The following DNHD1 variants were observed in gnomAD, a reference collection of about 807,000 sequenced individuals.
DNHD1 encodes the protein dynein heavy chain domain 1.
DNHD1 carries 383 observed loss-of-function variants against 458.1 expected under a neutral mutation model. That is an observed-to-expected ratio of 0.84 (90% CI 0.77 to 0.91). The LOEUF (loss-of-function observed/expected upper bound fraction) is 0.91, where lower values mean the gene tolerates loss of function less well. Among genes scored for constraint, DNHD1 ranks in the 40% least tolerant of loss-of-function variants. DNHD1 has a pLI of 0.00. For synonymous variants in DNHD1, 2,203 were observed against 2,376.9 expected, an observed-to-expected ratio of 0.93 and a Z score of 2.13; for missense variants, 5,336 against 5,866.1, an observed-to-expected ratio of 0.91 and a Z score of 2.95.
rs115395822 is a variant in DNHD1 at position 6,524,574 on chromosome 11, T to C, written c.1838-3948T>C. Among the ~76,000 whole-genome samples the C allele has an allele frequency of 8.8e-3, 1,345 of 152,364 alleles. 18 individuals are homozygous for C. The highest frequency in any genetic ancestry group is 0.03 in the African/African-American group (1,265 of 41,580). On this transcript the variant is annotated intron_variant, in intron 10 of 42. Transcript: ENST00000254579. ...TCAAACTTCAAGACAAGGAGTATGA[T>C]TGATTCAGCTTCTCCTGTAGATTGC... is the stretch of plus-strand genomic sequence containing the variant.
chr11:6,501,780 T>C (rs966656822), intron 3 of DNHD1, among the ~76,000 whole-genome samples: 2 of 152,196 alleles, frequency 1.3e-5, no homozygotes, highest in Non-Finnish European at 2.9e-5. Flanking sequence ...GTCCTTGGTT[T>C]TGCGATCTTC....
At chr11:6,518,433 C>A (rs1278001261) in intron 7 of DNHD1, among the ~76,000 whole-genome samples, 1 of 152,124 alleles carries the variant, frequency 6.6e-6, no homozygotes, top group East Asian at 1.9e-4. Context: ...ATACTGATTA[C>A]GTTCTATGGT....
At chr11:6,526,624 C>G (rs1852716519) in intron 10 of DNHD1, among the ~76,000 whole-genome samples, 1 of 152,104 alleles carries the variant, frequency 6.6e-6, no homozygotes, top group African/African-American at 2.4e-5. Context: ...AGATGGCTTA[C>G]TTTCTGAGGT....
chr11:6,550,101 T>C (rs771134127), intron 24 of DNHD1, among the ~76,000 whole-genome samples: 12 of 152,216 alleles, frequency 7.9e-5, no homozygotes, highest in African/African-American at 2.9e-4. Flanking sequence ...GTACAATTTA[T>C]TGAATATCTA....
At chr11:6,540,149 C>A in intron 18 of DNHD1, 66 bp downstream of exon 18, 1 of 1,377,386 alleles carries the variant, frequency 7.3e-7, no homozygotes, top group Non-Finnish European at 1.0e-6. Context: ...CCACCATATC[C>A]ATCAAGGCCT....
chr11:6,509,199 C>T lies in DNHD1; in HGVS notation c.1162C>T (p.Leu388Phe). Reference protein sequence around the residue: ...KNVRLQGLHRLQKFLENHLLL... With the variant: ...KNVRLQGLHRFQKFLENHLLL... ...TGTGAGATTACAGGGGCTGCATCGA[C>T]TCCAGAAATTCCTAGAGAATCATCT... Residue 388 changes from leucine to phenylalanine, a missense_variant, in exon 6 of 43, where the codon CTC becomes TTC. By Grantham distance (22) the Leu-to-Phe change is conservative (BLOSUM62 0). Around this residue, in one of 4 missense-constraint regions of DNHD1, gnomAD observed 3,932 missense variants for 4,365.6 expected, o/e 0.90. Coordinates refer to ENST00000254579, the MANE Select transcript of DNHD1 (RefSeq NM_144666.3). 1 of 1,614,226 alleles carries T rather than the reference C, an allele frequency of 6.2e-7. No homozygotes were observed. The highest frequency in any genetic ancestry group is 8.5e-7 in the Non-Finnish European group (1 of 1,180,046).
chr11:6,512,211 C>CTTTTTTTTTTTTTTTTTT (rs11287049), intron 7 of DNHD1, among the ~76,000 whole-genome samples: 9 of 91,630 alleles, frequency 9.8e-5, no homozygotes, highest in African/African-American at 4.2e-4. Context: ...CTTTTTCTTT[C>CTTTTTTTTTTTTTTTTTT]TTTTTTTTTT....
chr11:6,571,686 C>T lies in DNHD1; in HGVS notation c.13962C>T (p.Ile4654=). The change falls in exon 43 of 43, where the codon ATC becomes ATT. Residue 4654 remains isoleucine (I), a synonymous_variant. Coordinates refer to ENST00000254579, the MANE Select transcript of DNHD1 (RefSeq NM_144666.3). This position sits in a 1 kb window ranked among gnomAD's most constrained non-coding sequence, Gnocchi z 5.0. ...TTCCAGAGAGAGGGCTGCTGCTGAT[C>T]GGGCTACAGGTCCTACATGCGGAGT... ...PTVPERGLLL[I]GLQVLHAEWD... The T allele has an allele frequency of 6.2e-7, 1 of 1,609,966 alleles. No individual in the cohort carries two copies. Among genetic ancestry groups the T allele is most frequent in the African/African-American group, 1.3e-5 (1 of 74,920 alleles).
Position 6,571,974 on chromosome 11 carries a change from AC to A in DNHD1, c.14254del (p.Leu4752CysfsTer?). ...VQRRVHVCSP[P>X]LS ...AAAGGAGGGTCCATGTGTGCAGCCC[AC>A]CCCTGTCTTGAGCCCGTCTACCAAA... On this transcript the variant is annotated frameshift_variant, in exon 43 of 43. Coordinates refer to ENST00000254579, the MANE Select transcript of DNHD1 (RefSeq NM_144666.3). LOFTEE classifies it high-confidence loss of function. This position sits in a 1 kb window ranked among gnomAD's most constrained non-coding sequence, Gnocchi z 5.0. The A allele has an allele frequency of 6.2e-7, 1 of 1,602,114 alleles. No homozygotes were observed. The highest frequency in any genetic ancestry group is 1.3e-5 in the African/African-American group (1 of 74,720).
In DNHD1 at chr11:6,558,701, CT is replaced by C; in HGVS notation, c.9211+13del. Reference sequence around the variant, plus strand: ...GTGTGCCCCTTGATGACGGTAAGCCCTTTTTACTTGTCCTTACCACTCATCT... The same window carrying C: ...GTGTGCCCCTTGATGACGGTAAGCCCTTTTACTTGTCCTTACCACTCATCT... On this transcript the variant is annotated intron_variant, in intron 26 of 42. Transcript: ENST00000254579. The C allele has an allele frequency of 1.3e-6, 2 of 1,548,012 alleles. No individual in the cohort carries two copies.
chr11:6,547,428 C>G lies in DNHD1; in HGVS notation c.6489C>G (p.Ser2163=), dbSNP rs1469448649. The G allele has an allele frequency of 1.3e-6, 2 of 1,551,704 alleles. No individual in the cohort carries two copies. The highest frequency in any genetic ancestry group is 3.9e-5 in the Admixed American group (2 of 51,010). Residue 2163 remains serine (S), a synonymous_variant, in exon 21 of 43, where the codon TCC becomes TCG. Transcript: ENST00000254579. ...GTATACTTAGTGCCCTGATGGCATC[C>G]CTTCCTTATGAGTACCGCCTGCAGC... is the stretch of plus-strand genomic sequence containing the variant. ...WQCILSALMA[S]LPYEYRLQHR... is the part of the protein sequence containing the mutation.
chr11:6,549,174 T>G, intron 24 of DNHD1: 1 of 550,510 alleles, frequency 1.8e-6, no homozygotes. Context: ...CAGATCTGTC[T>G]ATCCAGCTGT....
chr11:6,543,093 A>G (rs1305665438), intron 18 of DNHD1, among the ~76,000 whole-genome samples: 2 of 152,124 alleles, frequency 1.3e-5, no homozygotes, highest in African/African-American at 2.4e-5. Flanking sequence ...GGAAGAAGAT[A>G]GACAGAGGGG....
Position 6,498,131 on chromosome 11 carries a change from C to A in DNHD1, c.-85C>A. The A allele has an allele frequency of 6.4e-7, 1 of 1,551,538 alleles. No individual in the cohort carries two copies. Among genetic ancestry groups the A allele is most frequent in the Non-Finnish European group, 8.7e-7 (1 of 1,146,374 alleles). On this transcript the variant is annotated 5_prime_UTR_variant, in exon 3 of 43. Coordinates refer to ENST00000254579, the MANE Select transcript of DNHD1 (RefSeq NM_144666.3). The stretch of plus-strand genomic sequence containing the variant: ...CTGGGCTGGCCCATGCAGGTGAGGC[C>A]CCGCATCTGGCATCCTGGAACTGGC...
intron 14 of DNHD1, among the ~76,000 whole-genome samples, chr11:6,535,212 T>C (rs372038081): frequency 6.6e-6 from 1 of 152,410 alleles, no homozygotes; most frequent in East Asian, 1.9e-4. Context: ...TCACTTTGTA[T>C]TTCTATTGCA....
chr11:6,519,611 CACAT>C lies in DNHD1; in HGVS notation c.1407_1410del (p.Tyr470ThrfsTer37). The C allele has an allele frequency of 6.2e-7, 1 of 1,614,124 alleles. No individual in the cohort carries two copies. The highest frequency in any genetic ancestry group is 8.5e-7 in the Non-Finnish European group (1 of 1,180,018). ...CTCTATGCTCACAGGTTCACGAGGA[CACAT>C]ACCACATGCAACAGTGCCTACAGGA... is the stretch of plus-strand genomic sequence containing the variant. On this transcript the variant is annotated frameshift_variant, in exon 8 of 43. Coordinates refer to ENST00000254579, the MANE Select transcript of DNHD1 (RefSeq NM_144666.3). LOFTEE classifies it high-confidence loss of function.
chr11:6,566,306 C>A lies in DNHD1; in HGVS notation c.11119C>A (p.Gln3707Lys). The A allele has an allele frequency of 6.4e-7, 1 of 1,551,920 alleles. No homozygotes were observed. Among genetic ancestry groups the A allele is most frequent in the South Asian group, 1.2e-5 (1 of 84,070 alleles). ...LGCEELQWLL[Q>K]REQLSPPQVQ... ...GTGCGAAGAACTGCAATGGCTGCTGCAACGGGAGCAGCTGAGTCCACCCCA... is the reference window on the plus strand; with the variant it reads ...GTGCGAAGAACTGCAATGGCTGCTGAAACGGGAGCAGCTGAGTCCACCCCA... The change falls in exon 34 of 43, where the codon CAA (glutamine) becomes AAA (lysine). Residue 3707 changes from glutamine (Q) to lysine (K), a missense_variant. By Grantham distance (53) the Gln-to-Lys change is moderately conservative (BLOSUM62 1). Around this residue, in one of 4 missense-constraint regions of DNHD1, gnomAD observed 695 missense variants for 804.2 expected, o/e 0.86. Coordinates refer to ENST00000254579, the MANE Select transcript of DNHD1 (RefSeq NM_144666.3).
Position 6,498,798 on chromosome 11 carries a change from C to A in DNHD1, c.583C>A (p.Arg195Ser). Residue 195 changes from arginine to serine, a missense_variant, in exon 3 of 43, where the codon CGC becomes AGC. Arg to Ser is a moderately radical substitution (Grantham distance 110). Around this residue, in one of 4 missense-constraint regions of DNHD1, gnomAD observed 3,932 missense variants for 4,365.6 expected, o/e 0.90. Transcript: ENST00000254579. ...ACCATTGACACTGCCTGAGCTACAG[C>A]GCTGCCTGGGCATTGTTGGTGCTCA... ...LRPLTLPELQ[R>S]CLGIVGAQVA... The A allele has an allele frequency of 1.2e-6, 2 of 1,614,214 alleles. No individual in the cohort carries two copies. Among genetic ancestry groups the A allele is most frequent in the Non-Finnish European group, 1.7e-6 (2 of 1,180,016 alleles).
Position 6,564,376 on chromosome 11 carries a change from T to A in DNHD1, c.10328T>A (p.Leu3443Gln). 1.3e-6 allele frequency: 2 copies of A among 1,550,720 alleles called. No individual in the cohort carries two copies. The highest frequency in any genetic ancestry group is 8.7e-7 in the Non-Finnish European group (1 of 1,146,208). The change falls in exon 32 of 43, where the codon CTA (leucine) becomes CAA (glutamine). Residue 3443 changes from leucine to glutamine, a missense_variant. Leu to Gln is a moderately radical substitution (Grantham distance 113). This residue lies in a region of DNHD1 where 3,932 missense variants were observed against 4,365.6 expected (regional missense o/e 0.90). Coordinates refer to ENST00000254579, the MANE Select transcript of DNHD1 (RefSeq NM_144666.3). ...ATGACTGTGTTTGGAGATACCCTCC[T>A]ATGTTCAGCTGCCATCATCTACCTG... The part of the protein sequence containing the change: ...RCMTVFGDTL[L>Q]CSAAIIYLGP...
Sources: allele counts gnomAD v4.1 joint callset (sites outside exome capture counted in the v4.1 genomes callset), GRCh38; gene constraint gnomAD v4.1.1; regional missense constraint gnomAD v4.1.1; non-coding constraint Gnocchi (gnomAD v3.1); transcripts MANE v1.5; gene names NCBI Gene and HGNC (gene_info 2026-07-23, HGNC 2026-07-21).